The following THADA variants were observed in gnomAD, a reference collection of about 807,000 sequenced individuals.
THADA encodes THADA armadillo repeat containing, also known as tRNA (32-2'-O)-methyltransferase regulator THADA.
THADA carries 213 observed loss-of-function variants against 219.8 expected under a neutral mutation model. The observed-to-expected ratio is 0.97, with a 90% CI of 0.87 to 1.09. The LOEUF (loss-of-function observed/expected upper bound fraction) is 1.09. Among genes scored for constraint, THADA ranks in the 50% least tolerant of loss-of-function variants. The pLI is 0.00. For synonymous variants in THADA, 1,018 were observed against 828.9 expected (o/e 1.23, Z -3.92); for missense variants, 2,956 against 2,311.3 (o/e 1.28, Z -5.72).
chr2:43,450,610 A>T (rs540750404), intron 26 of THADA, among the ~76,000 whole-genome samples: 22 of 152,326 alleles, frequency 1.4e-4, no homozygotes, highest in African/African-American at 5.3e-4. Context: ...TAGCCAAATT[A>T]CACAAGTAAG....
intron 14 of THADA, among the ~76,000 whole-genome samples, chr2:43,569,436 T>G (rs13391002): frequency 0.019 from 2,892 of 152,322 alleles, 96 homozygotes; most frequent in African/African-American, 0.066. Context: ...CTGCTTATAG[T>G]TGACGAGACT....
At chr2:43,440,855 G>T (rs1680760396) in intron 26 of THADA, among the ~76,000 whole-genome samples, 1 of 152,174 alleles carries the variant, frequency 6.6e-6, no homozygotes, top group Non-Finnish European at 1.5e-5. Context: ...TGAGAAAAGG[G>T]CAGTGGAGCT....
At position 43,230,883 on chromosome 2, in the gene THADA, G is replaced by GT; in HGVS notation, c.*64dup. 2.0e-6 allele frequency: 3 copies of GT among 1,509,694 alleles called. No individual in the cohort carries two copies. The highest frequency in any genetic ancestry group is 2.7e-6 in the Non-Finnish European group (3 of 1,126,490). 93.5% of individuals were successfully genotyped at this position (1,509,694 alleles called of 1,614,324 possible). ...AAATTTTTGAATTTATGTTCAACAT[G>GT]TTTCCTGCAGATTTAGTGGAGGAAA... On this transcript the variant is annotated 3_prime_UTR_variant, in exon 38 of 38. Transcript: ENST00000405975.
In THADA at chr2:43,274,993, C is replaced by CTT. The variant is rs202126240; in HGVS notation, c.5296+4770_5296+4771dup. Among the ~76,000 whole-genome samples, 1,014 of 121,544 alleles carry CTT rather than the reference C, an allele frequency of 8.3e-3. 39 individuals carry two copies. The highest frequency in any genetic ancestry group is 0.026 in the African/African-American group (834 of 32,228). 79.7% of individuals were successfully genotyped at this position (121,544 alleles called of 152,430 possible). A position where few individuals can be genotyped will look rare whatever the true frequency, so the allele number is the denominator to read the frequency against. ...AAACTGTTTTCCTTTCTTTTCTTTTCTTTTCTTTTTTTTTTTTTTTTGAGG... is the reference window on the plus strand; with the variant it reads ...AAACTGTTTTCCTTTCTTTTCTTTTCTTTTTTCTTTTTTTTTTTTTTTTGAGG... On this transcript the variant is annotated intron_variant, in intron 36 of 37. Transcript: ENST00000405975.
At chr2:43,592,466 G>A (rs925160094) in intron 1 of THADA, 50 bp from the exon 2 acceptor site, 12 of 1,120,910 alleles carry the variant, frequency 1.1e-5, no homozygotes, top group Non-Finnish European at 1.4e-5. Context: ...CTCAACCTCA[G>A]CACTATGATT....
At chr2:43,279,502 G>A (rs2104308427) in intron 36 of THADA, among the ~76,000 whole-genome samples, 1 of 152,168 alleles carries the variant, frequency 6.6e-6, no homozygotes, top group Non-Finnish European at 1.5e-5. Flanking sequence ...TTTTCTTTAG[G>A]ATGTCCTACA....
intron 28 of THADA, among the ~76,000 whole-genome samples, chr2:43,401,035 A>AAT (rs1674770190): frequency 3.3e-5 from 5 of 152,204 alleles, no homozygotes; most frequent in Admixed American, 3.3e-4. Context: ...AAATAAAACA[A>AAT]ATACACTTAA....
chr2:43,270,858 T>G (rs2104265707), intron 36 of THADA, among the ~76,000 whole-genome samples: 1 of 152,150 alleles, frequency 6.6e-6, no homozygotes, highest in East Asian at 1.9e-4. Context: ...GACCCCACCT[T>G]TAAAAACATA....
At chr2:43,390,501 C>A (rs961499833) in intron 29 of THADA, among the ~76,000 whole-genome samples, 32 of 152,172 alleles carry the variant, frequency 2.1e-4, no homozygotes, top group Admixed American at 9.8e-4. Context: ...TTTGCTCAAA[C>A]GTTTCCAATG....
chr2:43,427,514 T>TGTGTGTGTGTGTGTGTGTG (rs1678612475), intron 28 of THADA, among the ~76,000 whole-genome samples: 1 of 150,708 alleles, frequency 6.6e-6, no homozygotes, highest in Non-Finnish European at 1.5e-5. Context: ...TGTGTGTGTG[T>TGTGTGTGTGTGTGTGTGTG]GTGTGTGTGT....
At chr2:43,497,771 G>C (rs13016288) in intron 25 of THADA, among the ~76,000 whole-genome samples, 31,502 of 151,990 alleles carry the variant, frequency 0.21, 3,417 homozygotes, top group South Asian at 0.28. Context: ...TGTAGTCCCA[G>C]CTACTCGGGA....
intron 28 of THADA, among the ~76,000 whole-genome samples, chr2:43,405,936 C>T (rs954688196): frequency 1.3e-5 from 2 of 152,152 alleles, no homozygotes; most frequent in East Asian, 3.8e-4. Context: ...AGTGTGTGAC[C>T]CCTTGAGACA....
At chr2:43,492,177 G>C (rs1316513378) in intron 25 of THADA, 1 of 152,060 alleles carries the variant, frequency 6.6e-6, no homozygotes, top group Non-Finnish European at 1.5e-5. Flanking sequence ...GCTGGACTTG[G>C]TGGCGGGCGC....
At chr2:43,395,500 A>ATCCCAGCACTTTGGGAGGCCGAG (rs1673918248) in intron 29 of THADA, among the ~76,000 whole-genome samples, 3 of 150,366 alleles carry the variant, frequency 2.0e-5, no homozygotes, top group African/African-American at 5.0e-5. Flanking sequence ...AAACCACCTA[A>ATCCCAGCACTTTGGGAGGCCGAG]GACCCATAAT....
At chr2:43,411,578 C>T (rs1339619319) in intron 28 of THADA, among the ~76,000 whole-genome samples, 2 of 152,154 alleles carry the variant, frequency 1.3e-5, no homozygotes, top group Non-Finnish European at 2.9e-5. Context: ...TAATTGTCAA[C>T]TCATACTAGT....
chr2:43,560,357 ACT>A lies in THADA; in HGVS notation c.2338_2339del (p.His781Ter), dbSNP rs1197470381. The A allele has an allele frequency of 6.2e-7, 1 of 1,610,556 alleles. No homozygotes were observed. The highest frequency in any genetic ancestry group is 8.5e-7 in the Non-Finnish European group (1 of 1,178,006). On this transcript the variant is annotated frameshift_variant, in exon 16 of 38. Coordinates refer to ENST00000405975, the MANE Select transcript of THADA (RefSeq NM_022065.5). LOFTEE classifies it high-confidence loss of function. ...EGRIYTVYQLSHDIDVGRFQT... is the reference protein window; with the variant it reads ...EGRIYTVYQLXHDIDVGRFQT... Reference sequence around the variant, plus strand: ...GGAAACGACCAACATCAATATCATGACTCAGCTGATATACTGTATAAATTCTG... The same window carrying A: ...GGAAACGACCAACATCAATATCATGACAGCTGATATACTGTATAAATTCTG...
chr2:43,543,577 T>C (rs2103829986), intron 20 of THADA, among the ~76,000 whole-genome samples: 2 of 152,170 alleles, frequency 1.3e-5, no homozygotes, highest in Middle Eastern at 3.4e-3. Flanking sequence ...CTACCTGGTG[T>C]GAGATGGTAT....
At chr2:43,505,904 T>G (rs1223172906) in intron 23 of THADA, among the ~76,000 whole-genome samples, 169 bp from the exon 24 acceptor site, 1 of 152,196 alleles carries the variant, frequency 6.6e-6, no homozygotes, top group Non-Finnish European at 1.5e-5. Flanking sequence ...ACCTCACAGT[T>G]GAACCTACAG....
chr2:43,394,363 A>T (rs1293447129), intron 29 of THADA, among the ~76,000 whole-genome samples: 1 of 152,264 alleles, frequency 6.6e-6, no homozygotes, highest in Non-Finnish European at 1.5e-5. Context: ...TATACTATAG[A>T]AATACTCTGA....
Sources: allele counts gnomAD v4.1 joint callset (sites outside exome capture counted in the v4.1 genomes callset), GRCh38; gene constraint gnomAD v4.1.1; transcripts MANE v1.5; gene names NCBI Gene and HGNC (gene_info 2026-07-23, HGNC 2026-07-21).